Variants in OPCML observed in about 807,000 individuals in gnomAD.
OPCML encodes opioid-binding protein/cell adhesion molecule.
A neutral mutation model predicts 37.8 loss-of-function variants in OPCML; 13 were observed. The observed-to-expected ratio is 0.34, with a 90% CI of 0.22 to 0.55. OPCML has a LOEUF of 0.55. OPCML is among the 20% of genes least tolerant of loss of function. The pLI is 0.91. For synonymous variants in OPCML, 176 were observed against 168.8 expected (o/e 1.04, Z -0.33); for missense variants, 341 against 435.6 (o/e 0.78, Z 1.93).
intron 3 of OPCML, among the ~76,000 whole-genome samples, chr11:132,540,285 G>T (rs1027870146): frequency 6.6e-6 from 1 of 152,138 alleles, no homozygotes; most frequent in Non-Finnish European, 1.5e-5. Flanking sequence ...CTCGACCGGG[G>T]ATCCTTATAA....
At chr11:133,432,619 C>A (rs1946146473) in intron 1 of OPCML, among the ~76,000 whole-genome samples, 1 of 152,168 alleles carries the variant, frequency 6.6e-6, no homozygotes, top group South Asian at 2.1e-4. Context: ...AATTGTCTTG[C>A]CATGTCTTTT....
chr11:133,219,085 C>T (rs926713066), intron 1 of OPCML, among the ~76,000 whole-genome samples: 1 of 152,290 alleles, frequency 6.6e-6, no homozygotes, highest in South Asian at 2.1e-4. Context: ...CTGCCTTGAC[C>T]ATTATCATGG....
chr11:133,466,132 C>A (rs1946972901), intron 1 of OPCML, among the ~76,000 whole-genome samples: 1 of 152,102 alleles, frequency 6.6e-6, no homozygotes, highest in African/African-American at 2.4e-5. Context: ...CTTCACCTAT[C>A]AACAATGGCG....
intron 2 of OPCML, among the ~76,000 whole-genome samples, chr11:132,821,914 T>C (rs1023232381): frequency 1.3e-5 from 2 of 152,048 alleles, no homozygotes; most frequent in African/African-American, 4.8e-5. Context: ...CTCTGCAGAG[T>C]AAAGGGAAGA....
At chr11:133,497,532 C>A (rs1298983034) in intron 1 of OPCML, among the ~76,000 whole-genome samples, 1 of 151,994 alleles carries the variant, frequency 6.6e-6, no homozygotes, top group Admixed American at 6.6e-5. Context: ...ATTCTTGTTA[C>A]TACGATGCTT....
chr11:132,811,641 T>C (rs1158154693), intron 2 of OPCML, among the ~76,000 whole-genome samples: 1 of 152,198 alleles, frequency 6.6e-6, no homozygotes, highest in Non-Finnish European at 1.5e-5. Flanking sequence ...ACAGATCCTA[T>C]GCCGCTAATT....
At chr11:132,445,938 T>A (rs1487987727) in intron 4 of OPCML, among the ~76,000 whole-genome samples, 1 of 151,962 alleles carries the variant, frequency 6.6e-6, no homozygotes, top group Non-Finnish European at 1.5e-5. Context: ...AGCTTTATTG[T>A]AGGTGGGTCA....
At chr11:133,427,717 GT>G (rs1033921623) in intron 1 of OPCML, among the ~76,000 whole-genome samples, 9 of 151,764 alleles carry the variant, frequency 5.9e-5, no homozygotes, top group South Asian at 4.2e-4. Context: ...AAACTATCAA[GT>G]TTTTTTTAAA....
intron 3 of OPCML, among the ~76,000 whole-genome samples, chr11:132,564,923 T>C (rs532659618): frequency 1.3e-3 from 203 of 152,316 alleles, no homozygotes; most frequent in African/African-American, 4.4e-3. Context: ...GTCCTGGGAA[T>C]GCCAGTCATT....
chr11:132,742,240 G>A (rs1424063608), intron 2 of OPCML, among the ~76,000 whole-genome samples: 1 of 152,170 alleles, frequency 6.6e-6, no homozygotes, highest in Non-Finnish European at 1.5e-5. Flanking sequence ...AAGACTACAT[G>A]TTTGTGTCTC....
intron 1 of OPCML, among the ~76,000 whole-genome samples, chr11:133,155,585 C>A (rs1439447302): frequency 2.0e-5 from 3 of 152,088 alleles, no homozygotes; most frequent in African/African-American, 7.2e-5. Context: ...ACCCGCATAC[C>A]CAGCCCACAC....
chr11:132,539,888 T>C (rs1238692065), intron 3 of OPCML, among the ~76,000 whole-genome samples: 1 of 151,970 alleles, frequency 6.6e-6, no homozygotes, highest in Non-Finnish European at 1.5e-5. Flanking sequence ...GTGATGATGG[T>C]GGTGGTGATG....
At chr11:133,263,121 C>T (rs1941543699) in intron 1 of OPCML, among the ~76,000 whole-genome samples, 2 of 151,978 alleles carry the variant, frequency 1.3e-5, no homozygotes, top group African/African-American at 2.4e-5. Flanking sequence ...TTATGTGACC[C>T]CGCACAAATA....
At chr11:133,100,858 C>T (rs540021924) in intron 1 of OPCML, among the ~76,000 whole-genome samples, 4 of 152,248 alleles carry the variant, frequency 2.6e-5, no homozygotes, top group South Asian at 2.1e-4. Flanking sequence ...AACTATAAAA[C>T]GCCCAGGAGA....
intron 1 of OPCML, among the ~76,000 whole-genome samples, chr11:133,511,094 G>A (rs1258503505): frequency 6.6e-6 from 1 of 152,098 alleles, no homozygotes; most frequent in Non-Finnish European, 1.5e-5. Flanking sequence ...AAAGAATTTG[G>A]AGTCCTCCGT....
intron 4 of OPCML, among the ~76,000 whole-genome samples, chr11:132,472,848 G>A (rs79864114): frequency 0.06 from 9,117 of 152,276 alleles, 820 homozygotes; most frequent in African/African-American, 0.19. Flanking sequence ...ACAGTGCTGC[G>A]CTGACATCTC....
At chr11:133,333,770 T>C (rs187366723) in intron 1 of OPCML, among the ~76,000 whole-genome samples, 1 of 152,220 alleles carries the variant, frequency 6.6e-6, no homozygotes, top group East Asian at 1.9e-4. Context: ...CCAGCATCTA[T>C]AAGGAACTTA....
chr11:133,112,985 A>G (rs1221660705), intron 1 of OPCML, among the ~76,000 whole-genome samples: 1 of 152,198 alleles, frequency 6.6e-6, no homozygotes, highest in African/African-American at 2.4e-5. Context: ...TGGTATTCAC[A>G]ATTCCCATCT....
At chr11:133,518,244 T>G in intron 1 of OPCML, among the ~76,000 whole-genome samples, 1 of 151,516 alleles carries the variant, frequency 6.6e-6, no homozygotes, top group South Asian at 2.1e-4. Context: ...TGTGCTCATA[T>G]GGGTGGGTGG....
Sources: allele counts gnomAD v4.1 joint callset (sites outside exome capture counted in the v4.1 genomes callset), GRCh38; gene constraint gnomAD v4.1.1; transcripts MANE v1.5; gene names NCBI Gene and HGNC (gene_info 2026-07-23, HGNC 2026-07-21).